Variants in FTO observed in about 807,000 individuals in gnomAD.
FTO encodes the protein alpha-ketoglutarate-dependent dioxygenase FTO.
A neutral mutation model predicts 63.9 loss-of-function variants in FTO; 47 were observed. The ratio of observed to expected loss-of-function variants is 0.74; its 90% CI spans 0.58 to 0.94. The LOEUF (loss-of-function observed/expected upper bound fraction) is 0.94. FTO is among the 40% of genes least tolerant of loss of function. FTO has a pLI of 0.00. For synonymous variants in FTO, 207 were observed against 224.4 expected (o/e 0.92, Z 0.69); for missense variants, 562 against 618.1 (o/e 0.91, Z 0.96).
At chr16:53,850,098 G>A (rs946991803) in intron 4 of FTO, among the ~76,000 whole-genome samples, 2 of 152,078 alleles carry the variant, frequency 1.3e-5, no homozygotes, top group African/African-American at 4.8e-5. Flanking sequence ...GCTTTCTGCC[G>A]AGGCAAGGGA....
intron 8 of FTO, among the ~76,000 whole-genome samples, chr16:54,066,345 C>T (rs753898161): frequency 1.3e-5 from 2 of 152,182 alleles, no homozygotes; most frequent in African/African-American, 2.4e-5. Flanking sequence ...CAACTGGAAA[C>T]GTATCCCAGC....
chr16:54,082,510 A>T (rs1433845480), intron 8 of FTO, among the ~76,000 whole-genome samples: 1 of 152,176 alleles, frequency 6.6e-6, no homozygotes, highest in Non-Finnish European at 1.5e-5. Context: ...CATTGTTTTC[A>T]TATGTGTTAT....
At chr16:54,056,261 T>C (rs1461620200) in intron 8 of FTO, among the ~76,000 whole-genome samples, 2 of 152,208 alleles carry the variant, frequency 1.3e-5, no homozygotes, top group Admixed American at 6.5e-5. Flanking sequence ...CAAACTCTAG[T>C]TGTTTAATAC....
intron 1 of FTO, among the ~76,000 whole-genome samples, chr16:53,751,882 T>G (rs1387180284): frequency 1.3e-5 from 2 of 152,250 alleles, no homozygotes; most frequent in Non-Finnish European, 2.9e-5. Flanking sequence ...TATTTTTCTC[T>G]CTGATTCAAG....
intron 8 of FTO, among the ~76,000 whole-genome samples, chr16:54,007,928 A>G (rs2084249139): frequency 6.6e-6 from 1 of 152,224 alleles, no homozygotes; most frequent in Admixed American, 6.5e-5. Flanking sequence ...AAACTCAGCT[A>G]TGGAAATTCA....
chr16:53,750,638 A>G (rs1274490424), intron 1 of FTO, among the ~76,000 whole-genome samples: 1 of 152,264 alleles, frequency 6.6e-6, no homozygotes, highest in Non-Finnish European at 1.5e-5. Flanking sequence ...CTGAAATGTT[A>G]CTAGTTAGTC....
chr16:53,772,414 C>T (rs756993205), intron 1 of FTO, among the ~76,000 whole-genome samples: 3 of 152,054 alleles, frequency 2.0e-5, no homozygotes, highest in African/African-American at 7.2e-5. Flanking sequence ...TCTGATTACC[C>T]GAAAATAGTA....
intron 5 of FTO, among the ~76,000 whole-genome samples, chr16:53,879,416 C>T (rs2151889561): frequency 6.6e-6 from 1 of 152,196 alleles, no homozygotes; most frequent in South Asian, 2.1e-4. Context: ...TGACTCACAC[C>T]TGTAATCCCA....
At chr16:54,089,862 TA>T (rs367617501) in intron 8 of FTO, among the ~76,000 whole-genome samples, 15,810 of 140,404 alleles carry the variant, frequency 0.11, 2,126 homozygotes, top group African/African-American at 0.33. Flanking sequence ...GGATGGCAAT[TA>T]AAAAAAAAAA....
intron 8 of FTO, among the ~76,000 whole-genome samples, chr16:54,041,823 C>T (rs369902868): frequency 3.9e-5 from 6 of 152,202 alleles, no homozygotes; most frequent in African/African-American, 9.6e-5. Context: ...GCAAGACACA[C>T]GATGGAGGTT....
upstream of FTO, chr16:53,704,068 CAG>C: frequency 9.0e-7 from 1 of 1,108,762 alleles, no homozygotes; most frequent in Non-Finnish European, 1.3e-6. Flanking sequence ...TTTTTCTACT[CAG>C]AGGGAGAATA....
chr16:54,025,556 C>G (rs2084693775), intron 8 of FTO, among the ~76,000 whole-genome samples: 1 of 151,874 alleles, frequency 6.6e-6, no homozygotes, highest in Non-Finnish European at 1.5e-5. Context: ...AATCTTGTCT[C>G]TACTGAAAAC....
At chr16:53,955,566 A>G (rs1417614536) in intron 8 of FTO, among the ~76,000 whole-genome samples, 2 of 152,192 alleles carry the variant, frequency 1.3e-5, no homozygotes, top group Non-Finnish European at 2.9e-5. Context: ...TAAAGACTTC[A>G]TCATGGAGTT....
At chr16:53,882,346 T>A in intron 6 of FTO, among the ~76,000 whole-genome samples, 1 of 147,674 alleles carries the variant, frequency 6.8e-6, no homozygotes. Context: ...AATTATACAG[T>A]ATGTTAGAAG....
chr16:53,733,077 T>A (rs2076310176), intron 1 of FTO, among the ~76,000 whole-genome samples: 2 of 152,188 alleles, frequency 1.3e-5, no homozygotes, highest in South Asian at 4.1e-4. Flanking sequence ...AGAGCCAAGA[T>A]CTCTGACATG....
intron 8 of FTO, among the ~76,000 whole-genome samples, chr16:54,085,899 T>C (rs2086245421): frequency 6.6e-6 from 1 of 152,180 alleles, no homozygotes; most frequent in African/African-American, 2.4e-5. Context: ...AAAGGCCACT[T>C]GGACAAATGA....
intron 7 of FTO, among the ~76,000 whole-genome samples, chr16:53,894,353 G>C (rs896133265): frequency 6.6e-6 from 1 of 152,114 alleles, no homozygotes; most frequent in Non-Finnish European, 1.5e-5. Flanking sequence ...TGACTGAGCC[G>C]AGCAGTAGTT....
At chr16:53,815,106 AGAGGC>A (rs2078637513) in intron 2 of FTO, among the ~76,000 whole-genome samples, 1 of 150,484 alleles carries the variant, frequency 6.6e-6, no homozygotes, top group African/African-American at 2.4e-5. Context: ...AGAGAGAGAG[AGAGGC>A]CCGGTTATAC....
intron 8 of FTO, among the ~76,000 whole-genome samples, chr16:54,041,301 A>G (rs781729047): frequency 4.2e-4 from 64 of 152,262 alleles, no homozygotes; most frequent in Admixed American, 6.5e-4. Flanking sequence ...CTTTTAAACC[A>G]TCAGATCTCG....
Sources: gnomAD v4.1 joint callset for allele counts (sites outside exome capture counted in the v4.1 genomes callset) on GRCh38, gnomAD v4.1.1 for gene constraint, MANE v1.5 for transcripts, NCBI Gene and HGNC (gene_info 2026-07-23, HGNC 2026-07-21) for gene names.